The following RBMS1 variants were observed in gnomAD, a reference collection of about 807,000 sequenced individuals.
RBMS1 encodes the protein RNA binding motif single stranded interacting protein 1, also known as RNA-binding motif, single-stranded-interacting protein 1.
In RBMS1, 17 loss-of-function variants were observed where a neutral mutation model predicts 62.3. The observed-to-expected ratio is 0.27, with a 90% CI of 0.19 to 0.41. RBMS1 has a LOEUF of 0.41. RBMS1 is among the 10% of genes least tolerant of loss of function. The probability of loss-of-function intolerance (pLI) is 1.00; values close to 1 mark genes in which losing one functional copy is unlikely to be tolerated. For synonymous variants in RBMS1, 172 were observed against 170.0 expected (o/e 1.01, Z -0.09); for missense variants, 334 against 504.5 (o/e 0.66, Z 3.24).
intron 1 of RBMS1, among the ~76,000 whole-genome samples, chr2:160,376,995 CGTGTGTGAACAGTCATGTTTGT>C (rs1458881396): frequency 1.3e-5 from 2 of 151,850 alleles, no homozygotes; most frequent in South Asian, 4.2e-4. Context: ...GTCATGTTTG[CGTGTGTGAACAGTCATGTTTGT>C]GTGTGTGAAT....
chr2:160,314,099 G>A (rs1690080263), intron 3 of RBMS1, among the ~76,000 whole-genome samples: 1 of 152,120 alleles, frequency 6.6e-6, no homozygotes, highest in African/African-American at 2.4e-5. Context: ...TATATGAATG[G>A]CATCTAACAG....
chr2:160,433,130 T>C (rs1319944286), intron 1 of RBMS1, among the ~76,000 whole-genome samples: 3 of 151,820 alleles, frequency 2.0e-5, no homozygotes, highest in Non-Finnish European at 2.9e-5. Context: ...AAAAAATCTT[T>C]AGACTGAGTG....
At chr2:160,332,309 C>A (rs1691322663) in intron 2 of RBMS1, among the ~76,000 whole-genome samples, 1 of 152,170 alleles carries the variant, frequency 6.6e-6, no homozygotes, top group South Asian at 2.1e-4. Context: ...CTTTTAAAAA[C>A]CACACCTCAC....
At chr2:160,490,523 T>C (rs1035170170) in intron 1 of RBMS1, among the ~76,000 whole-genome samples, 3 of 152,138 alleles carry the variant, frequency 2.0e-5, no homozygotes, top group Admixed American at 6.5e-5. Flanking sequence ...AGCATACCAA[T>C]ATGGTCATTT....
intron 1 of RBMS1, among the ~76,000 whole-genome samples, chr2:160,457,975 T>C (rs1225496020): frequency 6.6e-6 from 1 of 151,958 alleles, no homozygotes; most frequent in Non-Finnish European, 1.5e-5. Context: ...GTTGTTGTTG[T>C]TGTTGTTGTT....
At chr2:160,349,450 T>C (rs1310576318) in intron 2 of RBMS1, among the ~76,000 whole-genome samples, 1 of 151,958 alleles carries the variant, frequency 6.6e-6, no homozygotes, top group Non-Finnish European at 1.5e-5. Flanking sequence ...AGGATAAAGT[T>C]TGTTCTTGTG....
chr2:160,427,326 T>G (rs192971551), intron 1 of RBMS1, among the ~76,000 whole-genome samples: 4 of 152,278 alleles, frequency 2.6e-5, no homozygotes, highest in Admixed American at 6.5e-5. Flanking sequence ...CTCCCATATA[T>G]ATACCTACAA....
chr2:160,431,899 A>G (rs1386151807), intron 1 of RBMS1, among the ~76,000 whole-genome samples: 1 of 152,132 alleles, frequency 6.6e-6, no homozygotes, highest in African/African-American at 2.4e-5. Flanking sequence ...CATACTGTAT[A>G]TCTCCTTTTC....
chr2:160,395,449 C>A (rs1015902091), intron 1 of RBMS1, among the ~76,000 whole-genome samples: 2 of 151,970 alleles, frequency 1.3e-5, no homozygotes, highest in Non-Finnish European at 2.9e-5. Flanking sequence ...ACGGTGAAAC[C>A]CCGTCTCTAC....
In RBMS1 at chr2:160,407,555, T is replaced by TGCGGGC. The variant is rs1027243944; in HGVS notation, c.76-40170_76-40165dup. ...CATCGCTGCGGGCGGCGGCGGCGGGTGCGGGCGCGGGCGCGGGCGCGGGGC... is the reference window on the plus strand; with the variant it reads ...CATCGCTGCGGGCGGCGGCGGCGGGTGCGGGCGCGGGCGCGGGCGCGGGCGCGGGGC... On this transcript the variant is annotated intron_variant, in intron 1 of 13. Coordinates refer to ENST00000348849, the MANE Select transcript of RBMS1 (RefSeq NM_016836.4). 514 of 983,564 alleles carry TGCGGGC rather than the reference T, an allele frequency of 5.2e-4. 1 individual carries two copies. Among genetic ancestry groups the TGCGGGC allele is most frequent in the Middle Eastern group, 1.6e-3 (3 of 1,916 alleles). The allele number at this position is 983,564 out of a possible 1,614,324, so 60.9% of individuals were successfully genotyped here.
chr2:160,383,785 C>T (rs771372283), intron 1 of RBMS1, among the ~76,000 whole-genome samples: 17 of 152,268 alleles, frequency 1.1e-4, no homozygotes, highest in Admixed American at 2.6e-4. Context: ...CGTTGTAATA[C>T]CAATGAGTTC....
At chr2:160,410,221 CAAAAAAAA>C (rs575199475) in intron 1 of RBMS1, among the ~76,000 whole-genome samples, 53 of 68,016 alleles carry the variant, frequency 7.8e-4, no homozygotes, top group African/African-American at 1.5e-3. Context: ...GACCCCGTCT[CAAAAAAAA>C]AAAAAAAAAA....
chr2:160,303,073 G>A (rs1203768289), intron 5 of RBMS1, among the ~76,000 whole-genome samples: 2 of 152,116 alleles, frequency 1.3e-5, no homozygotes, highest in East Asian at 1.9e-4. Flanking sequence ...ACACACACAC[G>A]TTCAGAACTT....
chr2:160,427,258 AG>A (rs1213089356), intron 1 of RBMS1, among the ~76,000 whole-genome samples: 4 of 152,194 alleles, frequency 2.6e-5, no homozygotes, highest in African/African-American at 9.6e-5. Flanking sequence ...AGGAAAGTAG[AG>A]GTCAATAATA....
intron 2 of RBMS1, among the ~76,000 whole-genome samples, chr2:160,342,588 A>C (rs1287754926): frequency 6.6e-6 from 1 of 152,036 alleles, no homozygotes; most frequent in African/African-American, 2.4e-5. Context: ...CCCCATTACC[A>C]GTGAAACTTA....
chr2:160,407,868 C>G, intron 1 of RBMS1: 4 of 981,160 alleles, frequency 4.1e-6, no homozygotes, highest in Non-Finnish European at 4.8e-6. Flanking sequence ...GCAGCGCCGC[C>G]GCGTCCCCAC....
At chr2:160,426,291 A>AAGAAAGAAAGAAAG in intron 1 of RBMS1, among the ~76,000 whole-genome samples, 1 of 73,902 alleles carries the variant, frequency 1.4e-5, no homozygotes, top group Admixed American at 1.5e-4. Context: ...GAAAGAAAGA[A>AAGAAAGAAAGAAAG]AAGAAAGAAG....
chr2:160,450,312 G>A (rs1243546216), intron 1 of RBMS1, among the ~76,000 whole-genome samples: 1 of 152,044 alleles, frequency 6.6e-6, no homozygotes, highest in Non-Finnish European at 1.5e-5. Context: ...AGGCAGAGGT[G>A]GGTGGATCAC....
At chr2:160,390,272 A>C (rs1460530530) in intron 1 of RBMS1, among the ~76,000 whole-genome samples, 1 of 152,252 alleles carries the variant, frequency 6.6e-6, no homozygotes, top group African/African-American at 2.4e-5. Context: ...TGCCTGGAAG[A>C]GGTAGACCTT....
Sources: allele counts gnomAD v4.1 joint callset (sites outside exome capture counted in the v4.1 genomes callset), GRCh38; gene constraint gnomAD v4.1.1; transcripts MANE v1.5; gene names NCBI Gene and HGNC (gene_info 2026-07-23, HGNC 2026-07-21).